Variants in GAL3ST1 observed in about 807,000 individuals in gnomAD.
GAL3ST1 encodes the protein galactosylceramide sulfotransferase.
GAL3ST1 carries 13 observed loss-of-function variants against 25.0 expected under a neutral mutation model. That is an observed-to-expected ratio of 0.52 (90% CI 0.34 to 0.83). The LOEUF (loss-of-function observed/expected upper bound fraction) is 0.83. GAL3ST1 is among the 40% of genes least tolerant of loss of function. The pLI is 0.02. For synonymous variants in GAL3ST1, 274 were observed against 277.8 expected, an observed-to-expected ratio of 0.99 and a Z score of 0.14; for missense variants, 474 against 613.6, an observed-to-expected ratio of 0.77 and a Z score of 2.40.
chr22:30,573,602 T>G (rs2086836121), intron 1 of GAL3ST1, among the ~76,000 whole-genome samples: 1 of 152,106 alleles, frequency 6.6e-6, no homozygotes, highest in Non-Finnish European at 1.5e-5. Flanking sequence ...CCTCTACACC[T>G]CTCTCCCCTC....
At position 30,555,918 on chromosome 22, in the gene GAL3ST1, G is replaced by C. The variant is rs1156635748; in HGVS notation, c.307C>G (p.Arg103Gly). The C allele has an allele frequency of 6.2e-7, 1 of 1,614,180 alleles. No individual in the cohort carries two copies. The change falls in exon 4 of 4, where the codon CGG (arginine) becomes GGG (glycine). Residue 103 changes from arginine (R) to glycine (G), a missense_variant. This residue lies in a region of GAL3ST1 where 359 missense variants were observed against 504.4 expected (regional missense o/e 0.71). Coordinates refer to ENST00000406361, the MANE Select transcript of GAL3ST1 (RefSeq NM_001318104.2). This position sits in a 1 kb window ranked among gnomAD's most constrained non-coding sequence, Gnocchi z 8.6. The part of the protein sequence containing the change: ...NILFRFGQKH[R>G]LKFAFPNGRN... ...CCGTTAGGGAAGGCGAACTTGAGCCGGTGCTTCTGGCCGAAGCGGAACAGG... is the reference window on the plus strand; with the variant it reads ...CCGTTAGGGAAGGCGAACTTGAGCCCGTGCTTCTGGCCGAAGCGGAACAGG...
At chr22:30,568,846 C>G (rs369658196) in intron 1 of GAL3ST1, among the ~76,000 whole-genome samples, 2 of 151,934 alleles carry the variant, frequency 1.3e-5, no homozygotes, top group African/African-American at 4.8e-5. Flanking sequence ...GAGGCTAAGG[C>G]GGGCAGATCA....
chr22:30,554,837 A>C lies in GAL3ST1; in HGVS notation c.*116T>G. ...GCCTCCCCCCAGGGAGCCCCCCCTCACCCCGGGGTCTGAGGTGGCACCAGG... is the reference window on the plus strand; with the variant it reads ...GCCTCCCCCCAGGGAGCCCCCCCTCCCCCCGGGGTCTGAGGTGGCACCAGG... On this transcript the variant is annotated 3_prime_UTR_variant, in exon 4 of 4. Coordinates refer to ENST00000406361, the MANE Select transcript of GAL3ST1 (RefSeq NM_001318104.2). 4.0e-6 allele frequency: 3 copies of C among 752,722 alleles called. No individual in the cohort carries two copies. Among genetic ancestry groups the C allele is most frequent in the South Asian group, 2.2e-5 (1 of 46,304 alleles). The allele number at this position is 752,722 out of a possible 1,614,324, so 46.6% of individuals were successfully genotyped here.
At chr22:30,568,790 C>CAG (rs1473991010) in intron 1 of GAL3ST1, among the ~76,000 whole-genome samples, 1 of 152,094 alleles carries the variant, frequency 6.6e-6, no homozygotes, top group African/African-American at 2.4e-5. Context: ...GAGGGACATG[C>CAG]AGAGGCCTGG....
intron 1 of GAL3ST1, among the ~76,000 whole-genome samples, chr22:30,569,682 G>C (rs192071574): frequency 6.6e-6 from 1 of 152,272 alleles, no homozygotes; most frequent in African/African-American, 2.4e-5. Context: ...GGAAGGGTGA[G>C]GAAGGACAGG....
rs1248141816 is a variant in GAL3ST1, at chr22:30,574,633, C to G, written c.-287G>C. 7 of 146,722 alleles carry G rather than the reference C, an allele frequency of 4.8e-5. No individual in the cohort carries two copies. The highest frequency in any genetic ancestry group is 3.5e-3 in the Middle Eastern group (1 of 286). 9.1% of individuals were successfully genotyped at this position (146,722 alleles called of 1,614,324 possible). A position where few individuals can be genotyped will look rare whatever the true frequency, so the allele number is the denominator to read the frequency against. On this transcript the variant is annotated 5_prime_UTR_variant, in exon 1 of 4. Transcript: ENST00000406361. ...CCGCGCCGCGCCCGCTCCCGCGCCG[C>G]GCCCGCTCCCGGCCAGGTGCCGCCG...
chr22:30,561,070 G>A (rs1008187164), intron 1 of GAL3ST1, among the ~76,000 whole-genome samples: 11 of 152,172 alleles, frequency 7.2e-5, no homozygotes, highest in Middle Eastern at 3.4e-3. Flanking sequence ...TCAGCCTCTC[G>A]AGTAGCTGGG....
Position 30,555,785 on chromosome 22 carries a change from T to A in GAL3ST1, c.440A>T (p.Asp147Val). 1 of 1,613,970 alleles carries A rather than the reference T, an allele frequency of 6.2e-7. No individual in the cohort carries two copies. Among genetic ancestry groups the A allele is most frequent in the Non-Finnish European group, 8.5e-7 (1 of 1,179,992 alleles). ...GGTCGGCACCAGGCCGCGCACCTCG[T>A]CGTAGTGGAAGCGCATGTGGTTGCA... ...IICNHMRFHY[D>V]EVRGLVPTNA... Residue 147 changes from aspartate to valine, a missense_variant, in exon 4 of 4, where the codon GAC becomes GTC. By Grantham distance (152) the Asp-to-Val change is radical. This residue lies in a region of GAL3ST1 where 359 missense variants were observed against 504.4 expected (regional missense o/e 0.71). Coordinates refer to ENST00000406361, the MANE Select transcript of GAL3ST1 (RefSeq NM_001318104.2). This position sits in a 1 kb window ranked among gnomAD's most constrained non-coding sequence, Gnocchi z 8.6.
chr22:30,569,782 T>C (rs985785958), intron 1 of GAL3ST1, among the ~76,000 whole-genome samples: 8 of 152,162 alleles, frequency 5.3e-5, no homozygotes, highest in African/African-American at 4.8e-5. Flanking sequence ...GCAGCACCGC[T>C]ATTCCCCCAT....
intron 1 of GAL3ST1, among the ~76,000 whole-genome samples, chr22:30,573,954 G>A (rs965338910): frequency 5.3e-5 from 8 of 152,160 alleles, no homozygotes; most frequent in Non-Finnish European, 1.0e-4. Flanking sequence ...CTCCTTGGTG[G>A]CTTTGCTTCC....
chr22:30,563,307 G>A (rs564717104), intron 1 of GAL3ST1: 1 of 152,238 alleles, frequency 6.6e-6, no homozygotes, highest in African/African-American at 2.4e-5. Flanking sequence ...CTACCTTGAG[G>A]CTATGTGTAT....
intron 1 of GAL3ST1, among the ~76,000 whole-genome samples, chr22:30,571,938 CATGTGATGTGTGG>C (rs2086797300): frequency 6.6e-6 from 1 of 152,200 alleles, no homozygotes; most frequent in Non-Finnish European, 1.5e-5. Flanking sequence ...CTGCTAGCCC[CATGTGATGTGTGG>C]GGAAACTGAG....
intron 1 of GAL3ST1, among the ~76,000 whole-genome samples, chr22:30,561,013 C>T (rs893315476): frequency 5.9e-5 from 9 of 151,628 alleles, no homozygotes; most frequent in African/African-American, 1.5e-4. Context: ...GGTGTGATCT[C>T]GGCTCACTAC....
At chr22:30,571,846 A>T (rs1391575224) in intron 1 of GAL3ST1, among the ~76,000 whole-genome samples, 1 of 152,178 alleles carries the variant, frequency 6.6e-6, no homozygotes, top group African/African-American at 2.4e-5. Context: ...CCTGGGTGAC[A>T]GAGCAAGACT....
In GAL3ST1 at chr22:30,574,543, G is replaced by A. The variant is rs961920632; in HGVS notation, c.-197C>T. 2.7e-5 allele frequency: 4 copies of A among 147,546 alleles called. No individual in the cohort carries two copies. The highest frequency in any genetic ancestry group is 1.3e-4 in the Admixed American group (2 of 14,852). 9.1% of individuals were successfully genotyped at this position (147,546 alleles called of 1,614,324 possible). A position where few individuals can be genotyped will look rare whatever the true frequency, so the allele number is the denominator to read the frequency against. On this transcript the variant is annotated 5_prime_UTR_variant, in exon 1 of 4. Transcript: ENST00000406361. ...CGCCCGGGCGCTCACTGGGCGGCGG[G>A]GCGCACCCGGCCGGGCCCCCCGCTC...
intron 1 of GAL3ST1, among the ~76,000 whole-genome samples, chr22:30,569,360 A>G (rs1449213116): frequency 6.6e-6 from 1 of 152,138 alleles, no homozygotes; most frequent in Non-Finnish European, 1.5e-5. Flanking sequence ...AGACCATGCA[A>G]AGGTAGCATC....
chr22:30,566,350 T>C (rs1260144273), intron 1 of GAL3ST1, among the ~76,000 whole-genome samples: 1 of 152,274 alleles, frequency 6.6e-6, no homozygotes, highest in African/African-American at 2.4e-5. Flanking sequence ...GGTCCACTTC[T>C]GTGCTTGGGA....
rs755176899 is a variant in GAL3ST1, at chr22:30,556,100, G to C, written c.132-7C>G. 19 of 1,595,042 alleles carry C rather than the reference G, an allele frequency of 1.2e-5. No homozygotes were observed. Among genetic ancestry groups the C allele is most frequent in the Non-Finnish European group, 1.5e-5 (18 of 1,173,392 alleles). Reference sequence around the variant, plus strand: ...CGCTGCGGCCTCCGGGGTCCTGCTGGGGACAGAGAGGTGGGGAGAGCCTCA... The same window carrying C: ...CGCTGCGGCCTCCGGGGTCCTGCTGCGGACAGAGAGGTGGGGAGAGCCTCA... On this transcript the variant is annotated splice_region_variant and splice_polypyrimidine_tract_variant and intron_variant, in intron 3 of 3. Coordinates refer to ENST00000406361, the MANE Select transcript of GAL3ST1 (RefSeq NM_001318104.2).
intron 3 of GAL3ST1, among the ~76,000 whole-genome samples, chr22:30,556,962 T>C (rs556130090): frequency 1.3e-5 from 2 of 152,358 alleles, no homozygotes; most frequent in East Asian, 3.9e-4. Flanking sequence ...CTCGAACTCC[T>C]GACCTCAGAC....
Sources: allele counts gnomAD v4.1 joint callset (sites outside exome capture counted in the v4.1 genomes callset), GRCh38; gene constraint gnomAD v4.1.1; regional missense constraint gnomAD v4.1.1; non-coding constraint Gnocchi (gnomAD v3.1); transcripts MANE v1.5; gene names NCBI Gene and HGNC (gene_info 2026-07-23, HGNC 2026-07-21).